SMAP2: variants seen among roughly 807,000 people sequenced by gnomAD.
SMAP2 encodes small ArfGAP2, also known as stromal membrane-associated protein 2.
SMAP2 carries 25 observed loss-of-function variants against 56.4 expected under a neutral mutation model. The ratio of observed to expected loss-of-function variants is 0.44; its 90% CI spans 0.32 to 0.62. The LOEUF (loss-of-function observed/expected upper bound fraction) is 0.62. Ranked by LOEUF, SMAP2 falls within the 20% of genes least tolerant of loss-of-function variation. The pLI, the probability that SMAP2 is intolerant of heterozygous loss-of-function variation, is 0.04. For missense variants in SMAP2, 388 were observed against 545.6 expected (o/e 0.71, Z 2.88); for synonymous variants, 157 against 181.7 (o/e 0.86, Z 1.09).
intron 1 of SMAP2, among the ~76,000 whole-genome samples, chr1:40,350,396 G>A (rs769448808): frequency 5.9e-5 from 9 of 152,184 alleles, no homozygotes; most frequent in Non-Finnish European, 1.3e-4. Flanking sequence ...GCAAACCTGA[G>A]GTCCCTATTG....
rs945862110 is a variant in SMAP2 at position 40,386,751 on chromosome 1, AACAAC to A, written c.103+12530_103+12534del. 2.0e-4 allele frequency among the ~76,000 whole-genome samples: 7 copies of A among 35,322 alleles called. No homozygotes were observed. The highest frequency in any genetic ancestry group is 1.6e-3 in the African/African-American group (7 of 4,308). 23.2% of individuals were successfully genotyped at this position (35,322 alleles called of 152,430 possible). On this transcript the variant is annotated intron_variant, in intron 1 of 9. Transcript: ENST00000372718. The surrounding 1 kb of genome is among the most constrained non-coding windows in gnomAD (Gnocchi z 4.1). ...ATCAGTAAATGCTGGTTTTTTTTAA[AACAAC>A]AACAACTTTATCTTTTATGATTCTG...
chr1:40,416,027 T>C (rs1367155369), intron 7 of SMAP2, 149 bp from the exon 8 acceptor site: 2 of 733,026 alleles, frequency 2.7e-6, no homozygotes, highest in Non-Finnish European at 2.3e-6. Flanking sequence ...TGTGTTCAGA[T>C]AGTTGAATGG....
At chr1:40,412,358 G>C (rs577800505) in intron 4 of SMAP2, among the ~76,000 whole-genome samples, 12 of 152,164 alleles carry the variant, frequency 7.9e-5, no homozygotes, top group African/African-American at 2.9e-4. Context: ...ATTATAGAAA[G>C]ATCTTTCTCC....
intron 7 of SMAP2, among the ~76,000 whole-genome samples, 194 bp downstream of exon 7, chr1:40,415,575 A>G (rs72637911): frequency 0.21 from 31,605 of 152,044 alleles, 3,510 homozygotes; most frequent in Middle Eastern, 0.32. Context: ...TCTCCTGCTC[A>G]AAAAGGGTGG....
At chr1:40,415,078 C>T (rs1271249396) in intron 6 of SMAP2, among the ~76,000 whole-genome samples, 194 bp from the exon 7 acceptor site, 2 of 152,212 alleles carry the variant, frequency 1.3e-5, no homozygotes, top group East Asian at 3.8e-4. Flanking sequence ...AGCTGGGCTA[C>T]AGGCTTCCCC....
rs1393845729 is a variant in SMAP2, at chr1:40,408,570, G to A, written c.238-83G>A. 1 of 1,172,210 alleles carries A rather than the reference G, an allele frequency of 8.5e-7. No individual in the cohort carries two copies. Among genetic ancestry groups the A allele is most frequent in the Non-Finnish European group, 1.3e-6 (1 of 787,902 alleles). 72.6% of individuals were successfully genotyped at this position (1,172,210 alleles called of 1,614,324 possible). The stretch of plus-strand genomic sequence containing the variant: ...CACTCTCTAGGTTGGTTCTTCAATT[G>A]TACAGTAGTGGAATTGGGTGAGAAG... On this transcript the variant is annotated intron_variant, in intron 2 of 9. Transcript: ENST00000372718. The surrounding 1 kb of genome is among the most constrained non-coding windows in gnomAD (Gnocchi z 4.3).
intron 1 of SMAP2, among the ~76,000 whole-genome samples, chr1:40,401,371 T>C (rs1012911019): frequency 6.6e-6 from 1 of 152,132 alleles, no homozygotes; most frequent in African/African-American, 2.4e-5. Flanking sequence ...TTCCACAGGA[T>C]TTGGATGGAA....
At chr1:40,405,435 G>C (rs1053128928) in intron 1 of SMAP2, among the ~76,000 whole-genome samples, 6 of 152,206 alleles carry the variant, frequency 3.9e-5, no homozygotes, top group Non-Finnish European at 7.3e-5. Context: ...GCTGCAGTGA[G>C]CTATGATCGT....
intron 1 of SMAP2, among the ~76,000 whole-genome samples, chr1:40,347,837 T>C (rs1644395497): frequency 6.6e-6 from 1 of 152,192 alleles, no homozygotes; most frequent in African/African-American, 2.4e-5. Context: ...TTATGATCTT[T>C]AAAAACATAC....
intron 1 of SMAP2, among the ~76,000 whole-genome samples, chr1:40,405,125 T>C (rs1557451053): frequency 6.6e-6 from 1 of 152,214 alleles, no homozygotes; most frequent in Admixed American, 6.5e-5. Flanking sequence ...GTAATAATCA[T>C]GAATTCAAAT....
rs72950017 is a variant in SMAP2, at chr1:40,395,733, G to T, written c.104-11003G>T. On this transcript the variant is annotated intron_variant, in intron 1 of 9. Transcript: ENST00000372718. ...GATAATTCGTATCTTTAGCTGTGTA[G>T]ATAAGAAGGGCCAGTTAAATAACAT... is the stretch of plus-strand genomic sequence containing the variant. Among the ~76,000 whole-genome samples the T allele has an allele frequency of 4.5e-3, 689 of 152,316 alleles. 10 individuals carry two copies. The highest frequency in any genetic ancestry group is 0.016 in the African/African-American group (660 of 41,576).
chr1:40,381,443 GTC>G (rs926334692), intron 1 of SMAP2, among the ~76,000 whole-genome samples: 1 of 152,224 alleles, frequency 6.6e-6, no homozygotes, highest in Non-Finnish European at 1.5e-5. Context: ...AGTAGGCTGT[GTC>G]TTAAAGGATA....
At chr1:40,413,235 T>G in intron 5 of SMAP2, 133 bp downstream of exon 5, 1 of 700,712 alleles carries the variant, frequency 1.4e-6, no homozygotes, top group Non-Finnish European at 2.6e-6. Flanking sequence ...GCATCTGGAT[T>G]GGACTGCCTG....
At chr1:40,404,733 T>C (rs1295274806) in intron 1 of SMAP2, among the ~76,000 whole-genome samples, 1 of 152,232 alleles carries the variant, frequency 6.6e-6, no homozygotes, top group African/African-American at 2.4e-5. Context: ...AAATCTTATA[T>C]AACTTAGATC....
chr1:40,353,761 CTTTTTTT>C (rs957231018), intron 1 of SMAP2, among the ~76,000 whole-genome samples: 7 of 148,264 alleles, frequency 4.7e-5, no homozygotes, highest in Non-Finnish European at 1.0e-4. Flanking sequence ...CTCTTTCTTT[CTTTTTTT>C]TTTAACAGAC....
intron 1 of SMAP2, among the ~76,000 whole-genome samples, chr1:40,345,206 C>T (rs1356434317): frequency 6.6e-6 from 1 of 151,956 alleles, no homozygotes; most frequent in Non-Finnish European, 1.5e-5. Context: ...GAGTTTGACA[C>T]CAGCCTGGGC....
At chr1:40,405,112 T>C (rs1644873680) in intron 1 of SMAP2, among the ~76,000 whole-genome samples, 1 of 152,216 alleles carries the variant, frequency 6.6e-6, no homozygotes, top group South Asian at 2.1e-4. Flanking sequence ...TACATTCTTA[T>C]TTGTAATAAT....
chr1:40,380,431 A>G (rs888669518), intron 1 of SMAP2, among the ~76,000 whole-genome samples: 1 of 151,544 alleles, frequency 6.6e-6, no homozygotes, highest in African/African-American at 2.4e-5. Flanking sequence ...TTTGCTTTAC[A>G]TTTGTTTTCT....
At chr1:40,403,989 A>G (rs1008909852) in intron 1 of SMAP2, among the ~76,000 whole-genome samples, 1 of 152,120 alleles carries the variant, frequency 6.6e-6, no homozygotes, top group Non-Finnish European at 1.5e-5. Context: ...TCCCAGCTAC[A>G]TGGGAGGCTG....
Sources: gnomAD v4.1 joint callset for allele counts (sites outside exome capture counted in the v4.1 genomes callset) on GRCh38, gnomAD v4.1.1 for gene constraint, Gnocchi (gnomAD v3.1) non-coding constraint, MANE v1.5 for transcripts, NCBI Gene and HGNC (gene_info 2026-07-23, HGNC 2026-07-21) for gene names.